CNTN4: variants seen among roughly 807,000 people sequenced by gnomAD.
CNTN4 encodes the protein contactin 4.
In CNTN4, 77 loss-of-function variants were observed where a neutral mutation model predicts 122.5. That is an observed-to-expected ratio of 0.63 (90% CI 0.52 to 0.76). The LOEUF is 0.76. CNTN4 is among the 30% of genes least tolerant of loss of function. CNTN4 has a pLI of 0.00. For synonymous variants in CNTN4, 512 were observed against 447.0 expected (o/e 1.15, Z -1.83); for missense variants, 1,256 against 1,259.1 (o/e 1.00, Z 0.04).
intron 2 of CNTN4, among the ~76,000 whole-genome samples, chr3:2,225,598 G>C (rs1024863802): frequency 1.3e-5 from 2 of 152,162 alleles, no homozygotes; most frequent in Non-Finnish European, 1.5e-5. Context: ...AATAGAAAAT[G>C]AACAATACTA....
chr3:2,180,792 C>A (rs182655955), intron 2 of CNTN4, among the ~76,000 whole-genome samples: 21 of 152,192 alleles, frequency 1.4e-4, no homozygotes, highest in African/African-American at 4.8e-4. Context: ...GATGCCTTAG[C>A]AACCATCTGA....
At chr3:2,431,931 C>T (rs1232547251) in intron 3 of CNTN4, among the ~76,000 whole-genome samples, 1 of 152,072 alleles carries the variant, frequency 6.6e-6, no homozygotes, top group Non-Finnish European at 1.5e-5. Flanking sequence ...ATAGAGTATA[C>T]CTGAGTTAAG....
rs566940155 is a variant in CNTN4 at position 2,436,080 on chromosome 3, C to A, written c.-89+96847C>A. On this transcript the variant is annotated intron_variant, in intron 3 of 24. Coordinates refer to ENST00000418658, the MANE Select transcript of CNTN4 (RefSeq NM_175607.3). ...GTTTGAGTTGAATTGAATTGAATTG[C>A]TTTGAGAGAGCAGTAGCTGGAGCCA... 1.4e-4 allele frequency among the ~76,000 whole-genome samples: 21 copies of A among 152,214 alleles called. No individual in the cohort carries two copies. The South Asian group carries it at 4.4e-3, about 32-fold the overall frequency.
chr3:2,641,272 C>G (rs147577445), intron 4 of CNTN4, among the ~76,000 whole-genome samples: 2,201 of 152,008 alleles, frequency 0.014, 21 homozygotes, highest in Admixed American at 0.026. Context: ...TTAAAAAAAA[C>G]TGTATTGAAT....
intron 2 of CNTN4, among the ~76,000 whole-genome samples, chr3:2,292,464 T>C (rs1013413755): frequency 1.1e-4 from 16 of 152,362 alleles, no homozygotes; most frequent in Admixed American, 3.3e-4. Context: ...AAAATGCTCA[T>C]ATCTGAAGTG....
chr3:2,849,075 A>T (rs2150616137), intron 7 of CNTN4, among the ~76,000 whole-genome samples: 1 of 152,342 alleles, frequency 6.6e-6, no homozygotes, highest in South Asian at 2.1e-4. Context: ...CCCATCCCGA[A>T]GAGTTATTTC....
At chr3:2,522,277 T>C (rs1490107105) in intron 3 of CNTN4, among the ~76,000 whole-genome samples, 1 of 151,994 alleles carries the variant, frequency 6.6e-6, no homozygotes, top group African/African-American at 2.4e-5. Flanking sequence ...TTATGCAAAG[T>C]TGCAACATGA....
intron 14 of CNTN4, among the ~76,000 whole-genome samples, chr3:3,009,173 A>C (rs916604055): frequency 5.3e-5 from 8 of 152,160 alleles, no homozygotes; most frequent in African/African-American, 1.9e-4. Context: ...TGATTGCCAT[A>C]AACAGTGGGC....
intron 14 of CNTN4, among the ~76,000 whole-genome samples, chr3:3,010,344 T>A (rs568118872): frequency 2.0e-5 from 3 of 152,184 alleles, no homozygotes; most frequent in Admixed American, 2.0e-4. Flanking sequence ...CTGTTTCTTG[T>A]CTTTCCCCAC....
At chr3:2,243,306 A>G (rs569033717) in intron 2 of CNTN4, among the ~76,000 whole-genome samples, 58 of 152,190 alleles carry the variant, frequency 3.8e-4, no homozygotes, top group Non-Finnish European at 7.1e-4. Context: ...GCTCTGGGTT[A>G]TTACTATATT....
chr3:2,185,787 G>C (rs2037223704), intron 2 of CNTN4, among the ~76,000 whole-genome samples: 1 of 152,050 alleles, frequency 6.6e-6, no homozygotes, highest in African/African-American at 2.4e-5. Flanking sequence ...TTGAATATTT[G>C]GGAGATTCTA....
intron 2 of CNTN4, among the ~76,000 whole-genome samples, chr3:2,281,565 C>T (rs1485608528): frequency 6.6e-6 from 1 of 152,090 alleles, no homozygotes. Context: ...CAGAGGCCTT[C>T]TGAAGCTCCC....
At chr3:2,146,895 T>G (rs1271974264) in intron 2 of CNTN4, among the ~76,000 whole-genome samples, 1 of 152,192 alleles carries the variant, frequency 6.6e-6, no homozygotes, top group Non-Finnish European at 1.5e-5. Context: ...TTTGTTTTGT[T>G]TTTTTGAGAC....
intron 11 of CNTN4, 28 bp downstream of exon 11, chr3:2,900,849 T>C: frequency 6.2e-7 from 1 of 1,613,418 alleles, no homozygotes; most frequent in Non-Finnish European, 8.5e-7. Flanking sequence ...AATTGTGCCT[T>C]AGTCTTGACT....
chr3:2,489,726 C>T (rs74375564), intron 3 of CNTN4, among the ~76,000 whole-genome samples: 362 of 152,262 alleles, frequency 2.4e-3, no homozygotes, highest in African/African-American at 8.3e-3. Context: ...GATGCTTCTG[C>T]TTAGAATAAG....
chr3:2,220,915 A>T (rs533456744), intron 2 of CNTN4, among the ~76,000 whole-genome samples: 1 of 152,104 alleles, frequency 6.6e-6, no homozygotes, highest in African/African-American at 2.4e-5. Flanking sequence ...ATCAGAAAAA[A>T]GGTAGAGAAG....
At chr3:2,846,353 G>T (rs148501990) in intron 7 of CNTN4, among the ~76,000 whole-genome samples, 1 of 151,986 alleles carries the variant, frequency 6.6e-6, no homozygotes, top group Admixed American at 6.6e-5. Flanking sequence ...CCCTTCCTTC[G>T]CTTTCATTGT....
intron 3 of CNTN4, among the ~76,000 whole-genome samples, chr3:2,500,616 G>GTT: frequency 6.6e-6 from 1 of 152,140 alleles, no homozygotes; most frequent in South Asian, 2.1e-4. Context: ...ACACTAATAT[G>GTT]ATTGGTTACT....
At chr3:2,421,925 A>G (rs894752557) in intron 3 of CNTN4, among the ~76,000 whole-genome samples, 1 of 152,126 alleles carries the variant, frequency 6.6e-6, no homozygotes, top group Non-Finnish European at 1.5e-5. Flanking sequence ...TCTGGGAGAG[A>G]ATTTGTACTT....
Sources: gnomAD v4.1 joint callset for allele counts (sites outside exome capture counted in the v4.1 genomes callset) on GRCh38, gnomAD v4.1.1 for gene constraint, MANE v1.5 for transcripts, NCBI Gene and HGNC (gene_info 2026-07-23, HGNC 2026-07-21) for gene names.